STARD9: variants seen among roughly 807,000 people sequenced by gnomAD.
STARD9 encodes the protein stAR-related lipid transfer protein 9.
STARD9 carries 346 observed loss-of-function variants against 399.8 expected under a neutral mutation model. The ratio of observed to expected loss-of-function variants is 0.87; its 90% CI spans 0.79 to 0.95. The LOEUF (loss-of-function observed/expected upper bound fraction) is 0.95, where lower values mean the gene tolerates loss of function less well. Among genes scored for constraint, STARD9 ranks in the 40% least tolerant of loss-of-function variants. The pLI is 0.00. For synonymous variants in STARD9, 2,203 were observed against 2,143.5 expected, an observed-to-expected ratio of 1.03 and a Z score of -0.77; for missense variants, 5,832 against 5,667.5, an observed-to-expected ratio of 1.03 and a Z score of -0.93.
chr15:42,654,806 A>G (rs1052653957), intron 9 of STARD9, among the ~76,000 whole-genome samples: 1 of 152,224 alleles, frequency 6.6e-6, no homozygotes, highest in Admixed American at 6.5e-5. Flanking sequence ...AACATATCTC[A>G]TGCTCATGGA....
At chr15:42,638,955 A>C (rs2059479012) in intron 7 of STARD9, 143 bp downstream of exon 7, 2 of 450,036 alleles carry the variant, frequency 4.4e-6, no homozygotes, top group Non-Finnish European at 7.8e-6. Context: ...TGTATTGATA[A>C]ATAGAGAAGA....
Position 42,688,518 on chromosome 15 carries a change from A to G in STARD9, c.6940A>G (p.Ser2314Gly). The G allele has an allele frequency of 6.5e-7, 1 of 1,537,938 alleles. No homozygotes were observed. Among genetic ancestry groups the G allele is most frequent in the Non-Finnish European group, 8.7e-7 (1 of 1,147,068 alleles). ...CACGTTTTTCAGGCAGGAAACTGTC[A>G]GCCCATTACTAAGCCGGACAGAATT... ...RDTFFRQETV[S>G]PLLSRTEFCT... is the part of the protein sequence containing the mutation. The change falls in exon 23 of 33, where the codon AGC becomes GGC. Residue 2314 changes from serine (S) to glycine (G), a missense_variant. Ser to Gly is a moderately conservative substitution (Grantham distance 56). Around this residue, in one of 2 missense-constraint regions of STARD9, gnomAD observed 5,828 missense variants for 5,651.1 expected, o/e 1.03. Transcript: ENST00000290607.
At chr15:42,703,453 T>C (rs1416246942) in intron 26 of STARD9, among the ~76,000 whole-genome samples, 1 of 150,522 alleles carries the variant, frequency 6.6e-6, no homozygotes, top group African/African-American at 2.4e-5. Flanking sequence ...AGCCTCCGCC[T>C]CCAGGGTTCA....
chr15:42,676,715 A>G (rs1046767243), intron 20 of STARD9, among the ~76,000 whole-genome samples: 2 of 152,146 alleles, frequency 1.3e-5, no homozygotes, highest in African/African-American at 2.4e-5. Flanking sequence ...CTGTACGTCA[A>G]AGTGACCTCT....
Position 42,638,746 on chromosome 15 carries a change from T to A in STARD9, c.493T>A (p.Ser165Thr). 1.3e-6 allele frequency: 2 copies of A among 1,536,714 alleles called. No individual in the cohort carries two copies. The highest frequency in any genetic ancestry group is 1.7e-6 in the Non-Finnish European group (2 of 1,146,572). ...ACGGGTGCGGGATCTGTTGAAGCAA[T>A]CTGGTCAAAAAAAGTCCTATACCCT... ...NERVRDLLKQ[S>T]GQKKSYTLRV... Residue 165 changes from serine (S) to threonine (T), a missense_variant, in exon 7 of 33, where the codon TCT (serine) becomes ACT (threonine). This residue lies in a region of STARD9 where 5,828 missense variants were observed against 5,651.1 expected (regional missense o/e 1.03). Transcript: ENST00000290607.
At chr15:42,698,282 A>G (rs1319068663) in intron 26 of STARD9, among the ~76,000 whole-genome samples, 5 of 152,178 alleles carry the variant, frequency 3.3e-5, no homozygotes, top group Non-Finnish European at 7.3e-5. Flanking sequence ...TACAAAGAGT[A>G]TATACATTTA....
At chr15:42,648,789 AT>A (rs1235586359) in intron 7 of STARD9, among the ~76,000 whole-genome samples, 1 of 151,846 alleles carries the variant, frequency 6.6e-6, no homozygotes, top group Non-Finnish European at 1.5e-5. Flanking sequence ...ATTACCTCTT[AT>A]AATAATCCTT....
rs869264641 is a variant in STARD9 at position 42,656,327 on chromosome 15, T to TAAAAAAAAA, written c.702+3767_702+3775dup. On this transcript the variant is annotated intron_variant, in intron 9 of 32. Transcript: ENST00000290607. ...ATGCCACTGCACTCCAGCCATCTCC[T>TAAAAAAAAA]AAAAAAAAAAAAAAAAAAAAAAAAA... Among the ~76,000 whole-genome samples the TAAAAAAAAA allele has an allele frequency of 3.1e-4, 11 of 35,342 alleles. 2 individuals are homozygous for TAAAAAAAAA. Among genetic ancestry groups the TAAAAAAAAA allele is most frequent in the African/African-American group, 5.4e-4 (5 of 9,220 alleles). 23.2% of individuals were successfully genotyped at this position (35,342 alleles called of 152,430 possible).
chr15:42,691,709 G>A lies in STARD9; in HGVS notation c.10131G>A (p.Leu3377=). The A allele has an allele frequency of 7.2e-6, 11 of 1,537,246 alleles. No individual in the cohort carries two copies. Among genetic ancestry groups the A allele is most frequent in the Non-Finnish European group, 8.7e-6 (10 of 1,146,914 alleles). ...GAAAGTCAGTGGCAAGAACATCTCT[G>A]CAGGCTGAGGACAGCAATCAGAAAG... is the stretch of plus-strand genomic sequence containing the variant. ...SSGKSVARTS[L]QAEDSNQKAS... The change falls in exon 23 of 33, where the codon CTG becomes CTA. Residue 3377 remains leucine (L), a synonymous_variant. Transcript: ENST00000290607.
At chr15:42,644,485 T>G (rs1443822213) in intron 7 of STARD9, among the ~76,000 whole-genome samples, 1 of 150,980 alleles carries the variant, frequency 6.6e-6, no homozygotes, top group African/African-American at 2.4e-5. Flanking sequence ...AGAGTGAGAC[T>G]CCGTCTAAAA....
chr15:42,598,000 A>ATGTGTGTG (rs572054615), intron 3 of STARD9, among the ~76,000 whole-genome samples: 2,942 of 115,074 alleles, frequency 0.026, 63 homozygotes, highest in African/African-American at 0.039. Context: ...GTATATATAT[A>ATGTGTGTG]TGTGTGTGTG....
chr15:42,623,791 T>A (rs2059140489), intron 3 of STARD9, among the ~76,000 whole-genome samples: 1 of 152,220 alleles, frequency 6.6e-6, no homozygotes, highest in Non-Finnish European at 1.5e-5. Context: ...GAAATAAATC[T>A]CTGTATTTCA....
At chr15:42,625,510 A>G (rs1419257232) in intron 3 of STARD9, among the ~76,000 whole-genome samples, 2 of 150,704 alleles carry the variant, frequency 1.3e-5, no homozygotes, top group Non-Finnish European at 3.0e-5. Flanking sequence ...TTTATATTTT[A>G]GTAGAGATGG....
chr15:42,609,178 AAG>A (rs2058798689), intron 3 of STARD9, among the ~76,000 whole-genome samples: 2 of 152,170 alleles, frequency 1.3e-5, no homozygotes, highest in African/African-American at 4.8e-5. Flanking sequence ...AAAGGGGACA[AAG>A]AGAAAACTAA....
intron 13 of STARD9, 146 bp downstream of exon 13, chr15:42,664,063 G>C: frequency 1.6e-6 from 1 of 616,804 alleles, no homozygotes; most frequent in Non-Finnish European, 2.9e-6. Context: ...ATTCTTTCTT[G>C]TACTGTCATC....
intron 7 of STARD9, among the ~76,000 whole-genome samples, chr15:42,649,186 C>T (rs2059706391): frequency 6.6e-6 from 1 of 152,128 alleles, no homozygotes; most frequent in Non-Finnish European, 1.5e-5. Flanking sequence ...CGCACCACCA[C>T]AGCCGGCTGA....
Position 42,692,464 on chromosome 15 carries a change from C to T in STARD9, c.10886C>T (p.Pro3629Leu), listed in dbSNP as rs775011384. ...CTGTATCCATCAGAGGCAGGCTGCC[C>T]TGTGGGACAGACCAGGACGAACACA... ...MLLYPSEAGC[P>L]VGQTRTNTFE... The change falls in exon 23 of 33, where the codon CCT (proline) becomes CTT (leucine). Residue 3629 changes from proline to leucine, a missense_variant. Pro to Leu is a moderately conservative substitution (Grantham distance 98). Transcript: ENST00000290607. 6.5e-7 allele frequency: 1 copy of T among 1,537,090 alleles called. No homozygotes were observed. Among genetic ancestry groups the T allele is most frequent in the African/African-American group, 1.4e-5 (1 of 73,170 alleles).
rs1309966595 is a variant in STARD9 at position 42,692,431 on chromosome 15, T to G, written c.10853T>G (p.Ile3618Ser). The change falls in exon 23 of 33, where the codon ATT (isoleucine) becomes AGT (serine). Residue 3618 changes from isoleucine (I) to serine (S), a missense_variant. Coordinates refer to ENST00000290607, the MANE Select transcript of STARD9 (RefSeq NM_020759.3). The part of the protein sequence containing the change: ...KGSAAGPVDE[I>S]MLLYPSEAGC... ...AGTGCTGCAGGTCCAGTGGATGAGA[T>G]TATGCTGCTGTATCCATCAGAGGCA... 6.5e-7 allele frequency: 1 copy of G among 1,537,012 alleles called. No homozygotes were observed. The highest frequency in any genetic ancestry group is 2.0e-5 in the Admixed American group (1 of 50,990).
chr15:42,585,577 C>A lies in STARD9; in HGVS notation c.174C>A (p.Gly58=). 6.5e-7 allele frequency: 1 copy of A among 1,537,120 alleles called. No individual in the cohort carries two copies. Among genetic ancestry groups the A allele is most frequent in the South Asian group, 1.2e-5 (1 of 84,052 alleles). Reference sequence around the variant, plus strand: ...CCCGGGAGAAGGTTATGGCATTTGGCTTTGATTACTGCTACTGGTCAGTCA... The same window carrying A: ...CCCGGGAGAAGGTTATGGCATTTGGATTTGATTACTGCTACTGGTCAGTCA... ...GDSREKVMAF[G]FDYCYWSVNP... is the part of the protein sequence containing the mutation. The change falls in exon 3 of 33, where the codon GGC becomes GGA. Residue 58 remains glycine (G), a synonymous_variant. Transcript: ENST00000290607.
Sources: gnomAD v4.1 joint callset for allele counts (sites outside exome capture counted in the v4.1 genomes callset) on GRCh38, gnomAD v4.1.1 for gene constraint, gnomAD v4.1.1 regional missense constraint, MANE v1.5 for transcripts, NCBI Gene and HGNC (gene_info 2026-07-23, HGNC 2026-07-21) for gene names.